KAZN: variants seen among roughly 807,000 people sequenced by gnomAD.
KAZN encodes the protein kazrin, periplakin interacting protein, also known as kazrin.
Under a neutral mutation model 87.4 loss-of-function variants are expected in KAZN, and 40 were observed. That is an observed-to-expected ratio of 0.46 (90% CI 0.36 to 0.60). KAZN has a LOEUF of 0.60. Ranked by LOEUF, KAZN falls within the 20% of genes least tolerant of loss-of-function variation. KAZN has a pLI of 0.00. For synonymous variants in KAZN, 466 were observed against 458.3 expected (o/e 1.02, Z -0.22); for missense variants, 898 against 1,073.9 (o/e 0.84, Z 2.29).
At chr1:14,049,046 C>T (rs529430096) in intron 1 of KAZN, among the ~76,000 whole-genome samples, 11 of 152,224 alleles carry the variant, frequency 7.2e-5, no homozygotes, top group Non-Finnish European at 1.6e-4. Context: ...TTCACAATAG[C>T]AAAGACTTGG....
intron 1 of KAZN, among the ~76,000 whole-genome samples, chr1:14,602,943 G>T (rs1417017329): frequency 6.6e-6 from 1 of 152,200 alleles, no homozygotes; most frequent in Non-Finnish European, 1.5e-5. Context: ...GGAGGCAAGG[G>T]TCGGTTTCCT....
intron 2 of KAZN, among the ~76,000 whole-genome samples, chr1:14,995,777 C>G (rs1442347233): frequency 6.6e-6 from 1 of 152,206 alleles, no homozygotes; most frequent in Non-Finnish European, 1.5e-5. Flanking sequence ...CCTGCCCAGC[C>G]CAGGTGCCTT....
intron 2 of KAZN, among the ~76,000 whole-genome samples, chr1:14,420,496 C>A (rs1468235791): frequency 2.0e-5 from 3 of 152,218 alleles, no homozygotes; most frequent in Non-Finnish European, 4.4e-5. Context: ...CCACACTCCT[C>A]AGCCCTTGGT....
chr1:14,368,829 G>A lies in KAZN; in HGVS notation c.249+188237G>A, dbSNP rs367628418. ...TGTTAAACAATCCATCATAAAAGAG[G>A]ATTAAGGGATGGCCAGGTAGAGAGG... On this transcript the variant is annotated intron_variant, in intron 2 of 16. Coordinates refer to the KAZN transcript ENST00000636203. Among the ~76,000 whole-genome samples, 7 of 152,312 alleles carry A rather than the reference G, an allele frequency of 4.6e-5. No homozygotes were observed. The East Asian group carries it at 1.2e-3, about 25-fold the overall frequency.
At chr1:14,203,469 A>T (rs188156460) in intron 2 of KAZN, among the ~76,000 whole-genome samples, 1 of 152,280 alleles carries the variant, frequency 6.6e-6, no homozygotes, top group Admixed American at 6.5e-5. Flanking sequence ...TCACTTCTGG[A>T]ATGTGTAATA....
At chr1:14,115,490 C>G (rs771874509) in intron 1 of KAZN, among the ~76,000 whole-genome samples, 7 of 152,230 alleles carry the variant, frequency 4.6e-5, no homozygotes, top group Non-Finnish European at 8.8e-5. Flanking sequence ...CAAGCTTCTT[C>G]TCTTTGCTGC....
At chr1:14,674,624 C>A (rs1483224528) in intron 1 of KAZN, among the ~76,000 whole-genome samples, 2 of 152,208 alleles carry the variant, frequency 1.3e-5, no homozygotes, top group South Asian at 2.1e-4. Context: ...ATGTCTTGAC[C>A]ACTTGTCCTT....
At chr1:14,532,517 G>A (rs1367192417) in intron 2 of KAZN, among the ~76,000 whole-genome samples, 1 of 151,234 alleles carries the variant, frequency 6.6e-6, no homozygotes, top group Non-Finnish European at 1.5e-5. Flanking sequence ...TGTGCACAAT[G>A]TGCAGGTTTG....
At chr1:15,001,942 A>G (rs1668527048) in intron 2 of KAZN, among the ~76,000 whole-genome samples, 1 of 128,848 alleles carries the variant, frequency 7.8e-6, no homozygotes, top group South Asian at 2.5e-4. Flanking sequence ...GGGCAGTGGC[A>G]CGATCTCGGC....
intron 3 of KAZN, among the ~76,000 whole-genome samples, chr1:15,036,564 A>T (rs1000260738): frequency 6.6e-6 from 1 of 151,788 alleles, no homozygotes; most frequent in Non-Finnish European, 1.5e-5. Flanking sequence ...GCTTTCTCAG[A>T]CTCTGGCATG....
intron 1 of KAZN, among the ~76,000 whole-genome samples, chr1:14,914,591 T>A (rs2101423057): frequency 6.6e-6 from 1 of 152,342 alleles, no homozygotes; most frequent in South Asian, 2.1e-4. Context: ...ACCTCACCGC[T>A]GACCCAGCAA....
At chr1:14,397,041 C>T (rs1270637964) in intron 2 of KAZN, among the ~76,000 whole-genome samples, 1 of 152,134 alleles carries the variant, frequency 6.6e-6, no homozygotes, top group Non-Finnish European at 1.5e-5. Context: ...TTGTTTCTCC[C>T]ATTTTTCTAG....
intron 2 of KAZN, among the ~76,000 whole-genome samples, chr1:14,479,957 C>G (rs1035325792): frequency 6.6e-6 from 1 of 152,200 alleles, no homozygotes; most frequent in Non-Finnish European, 1.5e-5. Context: ...GTGACAGCCC[C>G]GGCAATAAAC....
chr1:14,803,511 G>A (rs1396626514), intron 1 of KAZN, among the ~76,000 whole-genome samples: 1 of 152,212 alleles, frequency 6.6e-6, no homozygotes, highest in East Asian at 1.9e-4. Flanking sequence ...GCGGGAGAGG[G>A]CCCCATGCCA....
intron 2 of KAZN, among the ~76,000 whole-genome samples, chr1:14,549,849 T>C (rs1464452078): frequency 6.6e-6 from 1 of 152,222 alleles, no homozygotes; most frequent in Admixed American, 6.5e-5. Context: ...TCAGCAGCCA[T>C]GGCTTTAGCC....
chr1:14,637,640 G>A (rs999690805), intron 1 of KAZN, among the ~76,000 whole-genome samples: 6 of 152,032 alleles, frequency 3.9e-5, no homozygotes, highest in Admixed American at 3.3e-4. Flanking sequence ...GTGTGGGGGC[G>A]GGTGTTATTT....
intron 1 of KAZN, among the ~76,000 whole-genome samples, chr1:14,082,541 T>C (rs1643718619): frequency 6.6e-6 from 1 of 152,074 alleles, no homozygotes; most frequent in South Asian, 2.1e-4. Flanking sequence ...GTTAATAGTG[T>C]GTTCTGGGCA....
upstream of KAZN, among the ~76,000 whole-genome samples, chr1:14,596,025 T>C (rs1216858953): frequency 6.6e-6 from 1 of 152,156 alleles, no homozygotes; most frequent in Non-Finnish European, 1.5e-5. Context: ...TGATTTGATT[T>C]GAAGATTCCG....
intron 2 of KAZN, among the ~76,000 whole-genome samples, chr1:14,330,998 CCT>C (rs143211087): frequency 0.066 from 10,022 of 152,128 alleles, 468 homozygotes; most frequent in Non-Finnish European, 0.1. Flanking sequence ...AGTACAATCC[CCT>C]GTTAGCTGGG....
Sources: gnomAD v4.1 joint callset for allele counts (sites outside exome capture counted in the v4.1 genomes callset) on GRCh38, gnomAD v4.1.1 for gene constraint, MANE v1.5 for transcripts, NCBI Gene and HGNC (gene_info 2026-07-23, HGNC 2026-07-21) for gene names.